The following CDKAL1 variants were observed in gnomAD, a reference collection of about 807,000 sequenced individuals.
CDKAL1 encodes threonylcarbamoyladenosine tRNA methylthiotransferase.
A neutral mutation model predicts 68.2 loss-of-function variants in CDKAL1; 32 were observed. The observed-to-expected ratio is 0.47, with a 90% CI of 0.35 to 0.63. The LOEUF is 0.63. Ranked by LOEUF, CDKAL1 falls within the 30% of genes least tolerant of loss-of-function variation. The pLI, the probability that CDKAL1 is intolerant of heterozygous loss-of-function variation, is 0.00. For synonymous variants in CDKAL1, 234 were observed against 244.3 expected (o/e 0.96, Z 0.39); for missense variants, 606 against 696.7 (o/e 0.87, Z 1.47).
In CDKAL1 at chr6:21,231,096, A is replaced by T; in HGVS notation, c.*57A>T. On this transcript the variant is annotated 3_prime_UTR_variant, in exon 16 of 16. Coordinates refer to ENST00000274695, the MANE Select transcript of CDKAL1 (RefSeq NM_017774.3). ...AATACATTTCTAATTAAAATCTTCA[A>T]TGAACAGGAAAGCGACATCTCCATT... 1 of 1,371,536 alleles carries T rather than the reference A, an allele frequency of 7.3e-7. No homozygotes were observed. Among genetic ancestry groups the T allele is most frequent in the Non-Finnish European group, 1.0e-6 (1 of 995,760 alleles). 85.0% of individuals were successfully genotyped at this position (1,371,536 alleles called of 1,614,324 possible). A position where few individuals can be genotyped will look rare whatever the true frequency, so the allele number is the denominator to read the frequency against.
At chr6:20,959,874 G>A (rs1764968058) in intron 10 of CDKAL1, among the ~76,000 whole-genome samples, 1 of 152,126 alleles carries the variant, frequency 6.6e-6, no homozygotes, top group African/African-American at 2.4e-5. Flanking sequence ...GTGATAGGTA[G>A]CCTACAGCTA....
chr6:20,656,685 A>G (rs1275994857), intron 5 of CDKAL1, among the ~76,000 whole-genome samples: 7 of 152,312 alleles, frequency 4.6e-5, no homozygotes, highest in Non-Finnish European at 5.9e-5. Context: ...TAAAAACTCA[A>G]ATATAACTTG....
rs1259198005 is a variant in CDKAL1, at chr6:20,896,101, TTC to T, written c.742+49925_742+49926del. Among the ~76,000 whole-genome samples the T allele has an allele frequency of 1.0e-3, 106 of 102,356 alleles. 2 individuals are homozygous for T. Among genetic ancestry groups the T allele is most frequent in the Admixed American group, 9.3e-3 (73 of 7,826 alleles). 67.1% of individuals were successfully genotyped at this position (102,356 alleles called of 152,430 possible). The stretch of plus-strand genomic sequence containing the variant: ...TTTCTTTTTTTTCTTTTCTTTTCTT[TTC>T]TTTTTTTTTTTTTTTTGAGATGGAG... On this transcript the variant is annotated intron_variant, in intron 9 of 15. Transcript: ENST00000274695.
At chr6:20,859,121 A>AT (rs945938366) in intron 9 of CDKAL1, among the ~76,000 whole-genome samples, 1 of 152,066 alleles carries the variant, frequency 6.6e-6, no homozygotes, top group African/African-American at 2.4e-5. Flanking sequence ...AAATTTGACT[A>AT]TTTGAAACAT....
intron 6 of CDKAL1, among the ~76,000 whole-genome samples, chr6:20,752,248 T>A (rs182792246): frequency 2.3e-3 from 348 of 152,034 alleles, no homozygotes; most frequent in African/African-American, 7.5e-3. Flanking sequence ...ATTTTTTTTT[T>A]AAATTTTACA....
At chr6:20,642,592 G>A (rs1768233672) in intron 4 of CDKAL1, among the ~76,000 whole-genome samples, 1 of 152,018 alleles carries the variant, frequency 6.6e-6, no homozygotes, top group African/African-American at 2.4e-5. Flanking sequence ...CAGATTGGCG[G>A]AAGTCCAAAG....
At position 20,742,000 on chromosome 6, in the gene CDKAL1, A is replaced by G. The variant is rs919749504; in HGVS notation, c.468+2385A>G. Among the ~76,000 whole-genome samples the G allele has an allele frequency of 3.9e-5, 6 of 152,222 alleles. No individual in the cohort carries two copies. The East Asian group carries it at 1.2e-3, about 29-fold the overall frequency. On this transcript the variant is annotated intron_variant, in intron 6 of 15. Coordinates refer to ENST00000274695, the MANE Select transcript of CDKAL1 (RefSeq NM_017774.3). ...ATTTTTTGACATTCTGATAATAGCC[A>G]TTCTGACTGGCATGAGGTAGTATCT...
At chr6:20,761,367 C>T (rs1774456701) in intron 7 of CDKAL1, among the ~76,000 whole-genome samples, 1 of 152,164 alleles carries the variant, frequency 6.6e-6, no homozygotes, top group African/African-American at 2.4e-5. Context: ...GACAGTTTGG[C>T]AATTTCTTAA....
chr6:21,147,736 T>C (rs1776248895), intron 13 of CDKAL1, among the ~76,000 whole-genome samples: 1 of 152,222 alleles, frequency 6.6e-6, no homozygotes, highest in African/African-American at 2.4e-5. Flanking sequence ...TTTTACTACC[T>C]TATGAAGCAA....
chr6:21,016,612 T>TC (rs1768350226), intron 11 of CDKAL1, among the ~76,000 whole-genome samples: 10 of 143,992 alleles, frequency 6.9e-5, no homozygotes, highest in African/African-American at 2.4e-4. Context: ...CGCCTTCCAT[T>TC]CATCCATCCA....
Position 20,739,550 on chromosome 6 carries a change from C to G in CDKAL1, c.403C>G (p.Leu135Val). ...TCAAGAGGAGAACAAGAAAATCGTA[C>G]TGGCTGGATGCGTTCCTCAAGCCCA... Reference protein sequence around the residue: ...KAQEENKKIVLAGCVPQAQPR... With the variant: ...KAQEENKKIVVAGCVPQAQPR... The change falls in exon 6 of 16, where the codon CTG (leucine) becomes GTG (valine). Residue 135 changes from leucine (L) to valine (V), a missense_variant. Transcript: ENST00000274695. 1 of 1,612,638 alleles carries G rather than the reference C, an allele frequency of 6.2e-7. No individual in the cohort carries two copies. Among genetic ancestry groups the G allele is most frequent in the South Asian group, 1.1e-5 (1 of 90,912 alleles).
At chr6:20,551,800 C>T (rs1467615505) in intron 4 of CDKAL1, among the ~76,000 whole-genome samples, 3 of 152,068 alleles carry the variant, frequency 2.0e-5, no homozygotes, top group African/African-American at 7.2e-5. Context: ...TCTCTATATT[C>T]ATTAGTAATT....
intron 12 of CDKAL1, among the ~76,000 whole-genome samples, chr6:21,102,102 C>A (rs564581609): frequency 1.3e-5 from 2 of 152,114 alleles, no homozygotes; most frequent in South Asian, 2.1e-4. Flanking sequence ...ATTATGTGTT[C>A]TAATCATTTA....
intron 12 of CDKAL1, among the ~76,000 whole-genome samples, chr6:21,102,359 C>G (rs1242967609): frequency 6.6e-6 from 1 of 152,154 alleles, no homozygotes; most frequent in Non-Finnish European, 1.5e-5. Context: ...AACCCACCCC[C>G]GCAGGAAGTT....
chr6:20,550,507 A>G (rs1763776611), intron 4 of CDKAL1, among the ~76,000 whole-genome samples: 1 of 151,964 alleles, frequency 6.6e-6, no homozygotes, highest in Non-Finnish European at 1.5e-5. Flanking sequence ...TCCCTTCCCC[A>G]GTCTTGGAAG....
intron 9 of CDKAL1, among the ~76,000 whole-genome samples, chr6:20,916,758 C>G (rs1195218022): frequency 2.0e-5 from 3 of 152,138 alleles, no homozygotes; most frequent in African/African-American, 7.2e-5. Flanking sequence ...AAGGCTATCA[C>G]TAAGCATCTG....
chr6:21,150,600 T>C (rs1040747566), intron 13 of CDKAL1, among the ~76,000 whole-genome samples: 3 of 152,184 alleles, frequency 2.0e-5, no homozygotes, highest in African/African-American at 7.2e-5. Flanking sequence ...CCAAACACTC[T>C]TATCAATTAA....
At chr6:20,586,254 T>C (rs1359026876) in intron 4 of CDKAL1, among the ~76,000 whole-genome samples, 1 of 152,236 alleles carries the variant, frequency 6.6e-6, no homozygotes. Flanking sequence ...TTCCACACAG[T>C]GATCAGAGAT....
intron 4 of CDKAL1, among the ~76,000 whole-genome samples, chr6:20,637,790 CA>C (rs1027394568): frequency 7.9e-5 from 12 of 152,066 alleles, no homozygotes; most frequent in African/African-American, 2.7e-4. Flanking sequence ...GGTATACATC[CA>C]AAAAAATTTT....
Sources: gnomAD v4.1 joint callset for allele counts (sites outside exome capture counted in the v4.1 genomes callset) on GRCh38, gnomAD v4.1.1 for gene constraint, MANE v1.5 for transcripts, NCBI Gene and HGNC (gene_info 2026-07-23, HGNC 2026-07-21) for gene names.